The following ADK variants were observed in gnomAD, a reference collection of about 807,000 sequenced individuals.
The protein encoded by ADK is adenosine kinase, also known as N6,N6-dimethyladenosine kinase.
Under a neutral mutation model 44.7 loss-of-function variants are expected in ADK, and 24 were observed. That is an observed-to-expected ratio of 0.54 (90% CI 0.39 to 0.76). The LOEUF is 0.76. Ranked by LOEUF, ADK falls within the 30% of genes least tolerant of loss-of-function variation. The pLI, the probability that ADK is intolerant of heterozygous loss-of-function variation, is 0.00. For missense variants in ADK, 321 were observed against 425.1 expected (o/e 0.76, Z 2.15); for synonymous variants, 128 against 142.6 (o/e 0.90, Z 0.73).
At chr10:74,575,321 A>G (rs565126884) in intron 7 of ADK, among the ~76,000 whole-genome samples, 8 of 152,354 alleles carry the variant, frequency 5.3e-5, no homozygotes, top group African/African-American at 1.4e-4. Flanking sequence ...TAAGCTATCT[A>G]TACAAATAAC....
At chr10:74,214,259 C>T (rs1843935374) in intron 2 of ADK, among the ~76,000 whole-genome samples, 1 of 152,030 alleles carries the variant, frequency 6.6e-6, no homozygotes, top group Non-Finnish European at 1.5e-5. Flanking sequence ...GTTTTGCCCC[C>T]CCATTTTCTT....
chr10:74,526,874 T>A (rs542705971), intron 7 of ADK, among the ~76,000 whole-genome samples: 1 of 152,286 alleles, frequency 6.6e-6, no homozygotes, highest in African/African-American at 2.4e-5. Context: ...GTAAAAGAAG[T>A]AAATGGGAAA....
At chr10:74,274,373 C>A (rs1175629069) in intron 3 of ADK, among the ~76,000 whole-genome samples, 1 of 151,954 alleles carries the variant, frequency 6.6e-6, no homozygotes, top group South Asian at 2.1e-4. Flanking sequence ...GCCAGCCTGG[C>A]CAACATGGTA....
chr10:74,206,029 A>T (rs967683991), intron 2 of ADK, among the ~76,000 whole-genome samples: 1 of 152,206 alleles, frequency 6.6e-6, no homozygotes, highest in South Asian at 2.1e-4. Flanking sequence ...ACATGAATTC[A>T]TGGGTTTAAA....
In ADK at chr10:74,151,252, G is replaced by A. The variant is rs370539601; in HGVS notation, c.-27G>A. On this transcript the variant is annotated 5_prime_UTR_variant, in exon 1 of 11. Coordinates refer to ENST00000539909, the MANE Select transcript of ADK (RefSeq NM_006721.4). ...GAGTGGATGGCAGAGGTGGGCTGTA[G>A]AGCCAAAGTGGGGTGGGAGCGCGAA... 6.7e-5 allele frequency: 104 copies of A among 1,549,634 alleles called. No homozygotes were observed. Among genetic ancestry groups the A allele is most frequent in the Middle Eastern group, 4.5e-4 (2 of 4,420 alleles).
intron 3 of ADK, among the ~76,000 whole-genome samples, chr10:74,262,601 A>G (rs1846078185): frequency 6.6e-6 from 1 of 152,234 alleles, no homozygotes; most frequent in South Asian, 2.1e-4. Flanking sequence ...CATGAAGCAC[A>G]ACAAACCAAC....
chr10:74,247,696 T>A (rs1278377938), intron 3 of ADK, among the ~76,000 whole-genome samples: 1 of 152,174 alleles, frequency 6.6e-6, no homozygotes. Flanking sequence ...GGTGTTTTTT[T>A]AAACTCAAAA....
intron 3 of ADK, among the ~76,000 whole-genome samples, chr10:74,286,165 G>A (rs1486040425): frequency 1.3e-5 from 2 of 152,222 alleles, no homozygotes; most frequent in Non-Finnish European, 2.9e-5. Context: ...TGATTCTCCT[G>A]CCTCAGCTTC....
chr10:74,225,988 A>G (rs1191050664), intron 3 of ADK, among the ~76,000 whole-genome samples: 1 of 152,212 alleles, frequency 6.6e-6, no homozygotes, highest in Non-Finnish European at 1.5e-5. Flanking sequence ...CTTTTAAAGA[A>G]TATGTTATTT....
intron 10 of ADK, among the ~76,000 whole-genome samples, chr10:74,672,873 G>A (rs946507936): frequency 3.9e-5 from 6 of 152,170 alleles, no homozygotes; most frequent in Admixed American, 1.3e-4. Context: ...AAAGAAAGGT[G>A]AGATAATGTG....
intron 10 of ADK, among the ~76,000 whole-genome samples, chr10:74,705,599 A>G (rs950872730): frequency 1.3e-5 from 2 of 152,190 alleles, no homozygotes; most frequent in Non-Finnish European, 2.9e-5. Flanking sequence ...GCTGCTGTGA[A>G]CATTCATTTA....
chr10:74,502,980 A>C (rs1191322862), intron 6 of ADK, among the ~76,000 whole-genome samples: 3 of 152,166 alleles, frequency 2.0e-5, no homozygotes, highest in Non-Finnish European at 4.4e-5. Context: ...CACTCTCATT[A>C]CCACACTAAA....
intron 3 of ADK, among the ~76,000 whole-genome samples, chr10:74,259,948 G>A (rs1845980461): frequency 6.6e-6 from 1 of 151,942 alleles, no homozygotes; most frequent in Non-Finnish European, 1.5e-5. Context: ...GATATTCTAA[G>A]TTTTGAAGAC....
intron 9 of ADK, among the ~76,000 whole-genome samples, chr10:74,663,275 C>A (rs1174599243): frequency 6.9e-6 from 1 of 144,438 alleles, no homozygotes; most frequent in African/African-American, 2.6e-5. Flanking sequence ...ATATGTATCT[C>A]AAATTAGCTT....
At chr10:74,257,029 T>G (rs912384966) in intron 3 of ADK, among the ~76,000 whole-genome samples, 8 of 152,208 alleles carry the variant, frequency 5.3e-5, no homozygotes, top group Admixed American at 5.2e-4. Context: ...AGACTAAAAT[T>G]GACTTATCTT....
intron 6 of ADK, among the ~76,000 whole-genome samples, chr10:74,414,577 A>T (rs2132973454): frequency 6.6e-6 from 1 of 152,276 alleles, no homozygotes; most frequent in South Asian, 2.1e-4. Flanking sequence ...CTCTACTAAA[A>T]ATACAAAAAT....
In ADK at chr10:74,347,441, C is replaced by T. The variant is rs1021438079; in HGVS notation, c.273+32696C>T. On this transcript the variant is annotated intron_variant, in intron 4 of 10. Transcript: ENST00000539909. ...CAATCCGCAGATCAGGAGATTCCGT[C>T]GTGTGCCTACACCACCAGGGCCTTG... is the stretch of plus-strand genomic sequence containing the variant. Among the ~76,000 whole-genome samples, 6 of 152,244 alleles carry T rather than the reference C, an allele frequency of 3.9e-5. No individual in the cohort carries two copies. The South Asian group carries it at 1.0e-3, about 26-fold the overall frequency.
intron 1 of ADK, among the ~76,000 whole-genome samples, chr10:74,154,594 T>C (rs1841699704): frequency 6.6e-6 from 1 of 152,174 alleles, no homozygotes; most frequent in Non-Finnish European, 1.5e-5. Context: ...TTTTACTGTC[T>C]GCTGAGTATG....
chr10:74,515,822 G>A (rs1848546787), intron 6 of ADK, among the ~76,000 whole-genome samples: 1 of 152,132 alleles, frequency 6.6e-6, no homozygotes, highest in African/African-American at 2.4e-5. Context: ...CTCTGTTGGT[G>A]GTATGGCCAT....
Sources: allele counts gnomAD v4.1 joint callset (sites outside exome capture counted in the v4.1 genomes callset), GRCh38; gene constraint gnomAD v4.1.1; transcripts MANE v1.5; gene names NCBI Gene and HGNC (gene_info 2026-07-23, HGNC 2026-07-21).